The following HMGCL variants were observed in gnomAD, a reference collection of about 807,000 sequenced individuals.
HMGCL encodes hydroxymethylglutaryl-CoA lyase, mitochondrial.
A neutral mutation model predicts 37.3 loss-of-function variants in HMGCL; 26 were observed. The observed-to-expected ratio is 0.70, with a 90% CI of 0.51 to 0.97. The LOEUF (loss-of-function observed/expected upper bound fraction) is 0.97. Among genes scored for constraint, HMGCL ranks in the 50% least tolerant of loss-of-function variants. HMGCL has a pLI of 0.00. For missense variants in HMGCL, 379 were observed against 398.1 expected, an observed-to-expected ratio of 0.95 and a Z score of 0.41; for synonymous variants, 151 against 148.0, an observed-to-expected ratio of 1.02 and a Z score of -0.15.
chr1:23,823,155 T>C (rs1022462147), intron 1 of HMGCL, among the ~76,000 whole-genome samples: 1 of 113,800 alleles, frequency 8.8e-6, no homozygotes, highest in Non-Finnish European at 1.6e-5. Context: ...CAGCCTGGGG[T>C]ACAAGAGCGA....
chr1:23,811,687 C>A (rs1178556997), intron 5 of HMGCL, among the ~76,000 whole-genome samples: 1 of 152,044 alleles, frequency 6.6e-6, no homozygotes, highest in African/African-American at 2.4e-5. Flanking sequence ...GCAGACAGAG[C>A]AAGGGGAAAG....
At chr1:23,821,632 C>A (rs1638723001) in intron 1 of HMGCL, among the ~76,000 whole-genome samples, 1 of 152,068 alleles carries the variant, frequency 6.6e-6, no homozygotes, top group South Asian at 2.1e-4. Flanking sequence ...ACACTCCAGC[C>A]TGGGCAACAG....
intron 2 of HMGCL, among the ~76,000 whole-genome samples, chr1:23,818,311 T>C (rs1261674421): frequency 6.6e-6 from 1 of 151,956 alleles, no homozygotes; most frequent in Non-Finnish European, 1.5e-5. Context: ...ATACAAAAAT[T>C]AGCCAGGCGT....
Position 23,810,773 on chromosome 1 carries a change from G to A in HMGCL, c.524C>T (p.Pro175Leu), listed in dbSNP as rs761838295. 1.9e-6 allele frequency: 3 copies of A among 1,614,064 alleles called. No homozygotes were observed. In the East Asian group the frequency reaches 6.7e-5, roughly 36 times the overall value. Reference protein sequence around the residue: ...RGYVSCALGCPYEGKISPAKV... With the variant: ...RGYVSCALGCLYEGKISPAKV... ...AGCTGGGGAGATCTTCCCTTCATAA[G>A]GGCAGCCAAGAGCACAGGAGACGTA... is the stretch of plus-strand genomic sequence containing the variant. The change falls in exon 6 of 9, where the codon CCT (proline) becomes CTT (leucine). Residue 175 changes from proline to leucine, a missense_variant. Transcript: ENST00000374490.
intron 5 of HMGCL, among the ~76,000 whole-genome samples, chr1:23,813,052 G>C (rs1638549190): frequency 6.6e-6 from 1 of 151,438 alleles, no homozygotes; most frequent in African/African-American, 2.4e-5. Flanking sequence ...ACTACGCCCG[G>C]CTAATTTTTG....
rs11371330 is a variant in HMGCL, at chr1:23,819,006, TAAAAAAA to T, written c.145-1430_145-1424del. Among the ~76,000 whole-genome samples the T allele has an allele frequency of 1.2e-4, 5 of 43,142 alleles. No individual in the cohort carries two copies. The South Asian group carries it at 4.3e-3, about 37-fold the overall frequency. The allele number at this position is 43,142 out of a possible 152,430, so 28.3% of individuals were successfully genotyped here. A position where few individuals can be genotyped will look rare whatever the true frequency, so the allele number is the denominator to read the frequency against. ...ACTATTAAAGCTAGGATGGACGTGCTAAAAAAAAAAAAAAAAAAAAAAAAAAAGAGAA... is the reference window on the plus strand; with the variant it reads ...ACTATTAAAGCTAGGATGGACGTGCTAAAAAAAAAAAAAAAAAAAAGAGAA... On this transcript the variant is annotated intron_variant, in intron 2 of 8. Transcript: ENST00000374490.
At chr1:23,807,039 C>G in intron 7 of HMGCL, 1 of 518,980 alleles carries the variant, frequency 1.9e-6, no homozygotes, top group South Asian at 1.4e-5. Flanking sequence ...TCAACCTGTT[C>G]CCTGATAAAT....
rs764755014 is a variant in HMGCL, at chr1:23,802,431, A to G, written c.*32T>C. 3.8e-6 allele frequency: 5 copies of G among 1,322,108 alleles called. No individual in the cohort carries two copies. Among genetic ancestry groups the G allele is most frequent in the Non-Finnish European group, 5.5e-6 (5 of 913,586 alleles). The allele number at this position is 1,322,108 out of a possible 1,614,324, so 81.9% of individuals were successfully genotyped here. A position where few individuals can be genotyped will look rare whatever the true frequency, so the allele number is the denominator to read the frequency against. On this transcript the variant is annotated 3_prime_UTR_variant, in exon 9 of 9. Coordinates refer to ENST00000374490, the MANE Select transcript of HMGCL (RefSeq NM_000191.3). ...CATCTGTGTGTGCCCCTATTTCCAC[A>G]TCATCCCCAGGGCTTCAGGTGGGCA...
Position 23,825,336 on chromosome 1 carries a change from C to T in HMGCL, c.60+20G>A, listed in dbSNP as rs759619708. 6 of 1,549,534 alleles carry T rather than the reference C, an allele frequency of 3.9e-6. No homozygotes were observed. The South Asian group carries it at 7.1e-5, about 18-fold the overall frequency. On this transcript the variant is annotated intron_variant, in intron 1 of 8. Coordinates refer to ENST00000374490, the MANE Select transcript of HMGCL (RefSeq NM_000191.3). ...CAGAGTGCCTGCAGGGCCGCCGCCT[C>T]GGCGGCTCGGGGCACTTACAGCCCG... is the stretch of plus-strand genomic sequence containing the variant.
intron 8 of HMGCL, among the ~76,000 whole-genome samples, 190 bp from the exon 9 acceptor site, chr1:23,802,754 C>T (rs190207069): frequency 6.6e-6 from 1 of 152,212 alleles, no homozygotes; most frequent in Admixed American, 6.5e-5. Context: ...TCCTCTGACT[C>T]CCCCTCATGT....
intron 7 of HMGCL, 59 bp downstream of exon 7, chr1:23,808,076 A>G (rs1638444116): frequency 6.8e-7 from 1 of 1,472,736 alleles, no homozygotes; most frequent in South Asian, 1.1e-5. Flanking sequence ...AGAATAAATG[A>G]TAACAAGCTG....
chr1:23,822,941 C>T (rs112577294), intron 1 of HMGCL, among the ~76,000 whole-genome samples: 28 of 152,106 alleles, frequency 1.8e-4, no homozygotes, highest in Non-Finnish European at 3.4e-4. Context: ...TTTGGGAGGC[C>T]GAGGTGGGCA....
intron 7 of HMGCL, among the ~76,000 whole-genome samples, chr1:23,805,626 C>T (rs1171799829): frequency 6.6e-6 from 1 of 152,120 alleles, no homozygotes; most frequent in Non-Finnish European, 1.5e-5. Flanking sequence ...TGGTTTTCCT[C>T]CTAGTGCTCT....
intron 1 of HMGCL, among the ~76,000 whole-genome samples, chr1:23,821,167 C>A (rs994144614): frequency 5.9e-5 from 9 of 151,952 alleles, no homozygotes; most frequent in Non-Finnish European, 1.3e-4. Context: ...CCAGCCTGAC[C>A]AACATGGTGA....
At chr1:23,807,497 C>A (rs912301224) in intron 7 of HMGCL, among the ~76,000 whole-genome samples, 4 of 152,214 alleles carry the variant, frequency 2.6e-5, no homozygotes, top group African/African-American at 9.6e-5. Context: ...TGGTCAGACA[C>A]TAAGAATGCT....
chr1:23,810,955 A>G (rs1025947151), intron 5 of HMGCL, among the ~76,000 whole-genome samples, 156 bp from the exon 6 acceptor site: 2 of 152,156 alleles, frequency 1.3e-5, no homozygotes, highest in African/African-American at 4.8e-5. Flanking sequence ...CAGTGCCAGG[A>G]GGAGGCAGTA....
intron 7 of HMGCL, chr1:23,807,236 C>T (rs758406197): frequency 3.9e-6 from 2 of 518,828 alleles, no homozygotes; most frequent in South Asian, 1.4e-5. Flanking sequence ...GGCTGGGAAA[C>T]GCATGAGCTG....
At chr1:23,808,649 G>A (rs1638457072) in intron 6 of HMGCL, among the ~76,000 whole-genome samples, 1 of 152,044 alleles carries the variant, frequency 6.6e-6, no homozygotes, top group African/African-American at 2.4e-5. Flanking sequence ...CCCAGGTGCT[G>A]GAATCAGTGA....
chr1:23,807,062 G>A (rs1183041031), intron 7 of HMGCL: 4 of 519,044 alleles, frequency 7.7e-6, no homozygotes, highest in South Asian at 1.4e-5. Flanking sequence ...TCAAAAAGGG[G>A]ATTCTGAGAT....
Sources: gnomAD v4.1 joint callset for allele counts (sites outside exome capture counted in the v4.1 genomes callset) on GRCh38, gnomAD v4.1.1 for gene constraint, MANE v1.5 for transcripts, NCBI Gene and HGNC (gene_info 2026-07-23, HGNC 2026-07-21) for gene names.